The following MTOR variants were observed in gnomAD, a reference collection of about 807,000 sequenced individuals.
MTOR encodes the protein mechanistic target of rapamycin kinase.
In MTOR, 70 loss-of-function variants were observed where a neutral mutation model predicts 319.8. That is an observed-to-expected ratio of 0.22 (90% CI 0.18 to 0.27). MTOR has a LOEUF of 0.27. Ranked by LOEUF, MTOR falls within the 10% of genes least tolerant of loss-of-function variation. The pLI, the probability that MTOR is intolerant of heterozygous loss-of-function variation, is 1.00. For synonymous variants in MTOR, 1,183 were observed against 1,211.4 expected (o/e 0.98, Z 0.49); for missense variants, 1,890 against 3,274.4 (o/e 0.58, Z 10.32).
rs117218574 is a variant in MTOR, at chr1:11,116,121, T to C, written c.7017-653A>G. ...TAGACATCAGAGAACCAGTCTTTTT[T>C]ACATTCTTGTGAGTCCGTTTCTGAA... On this transcript the variant is annotated intron_variant, in intron 50 of 57. Transcript: ENST00000361445. Among the ~76,000 whole-genome samples, 8 of 152,372 alleles carry C rather than the reference T, an allele frequency of 5.3e-5. No individual in the cohort carries two copies. The East Asian group carries it at 1.5e-3, about 29-fold the overall frequency.
intron 38 of MTOR, chr1:11,132,558 C>T (rs1379770339): frequency 6.6e-6 from 1 of 152,662 alleles, no homozygotes; most frequent in Non-Finnish European, 1.5e-5. Flanking sequence ...TATACACTTC[C>T]AAAAATCACC....
rs79619380 is a variant in MTOR at position 11,203,785 on chromosome 1, C to T, written c.3944+776G>A. ...TCTCCTCTCTCAAGAGGTGGGTGCCCATGTCTTCTTCCTTTGAGCCTGACT... is the reference window on the plus strand; with the variant it reads ...TCTCCTCTCTCAAGAGGTGGGTGCCTATGTCTTCTTCCTTTGAGCCTGACT... On this transcript the variant is annotated intron_variant, in intron 26 of 57. Coordinates refer to ENST00000361445, the MANE Select transcript of MTOR (RefSeq NM_004958.4). Among the ~76,000 whole-genome samples, 757 of 152,314 alleles carry T rather than the reference C, an allele frequency of 5.0e-3. 4 individuals are homozygous for T. Among genetic ancestry groups the T allele is most frequent in the Non-Finnish European group, 6.8e-3 (463 of 68,014 alleles).
chr1:11,245,611 T>A (rs762107133), intron 8 of MTOR, among the ~76,000 whole-genome samples: 14 of 152,126 alleles, frequency 9.2e-5, no homozygotes, highest in Admixed American at 4.6e-4. Context: ...AAGAGCATAA[T>A]TTCCTGGCAA....
At chr1:11,223,792 C>A (rs1240935026) in intron 19 of MTOR, among the ~76,000 whole-genome samples, 2 of 152,088 alleles carry the variant, frequency 1.3e-5, no homozygotes, top group African/African-American at 2.4e-5. Flanking sequence ...GTAATCCCAG[C>A]ACTTTGGGAG....
chr1:11,167,550 C>CAGACCTGTTGAGTGT, intron 28 of MTOR, 33 bp from the exon 29 acceptor site: 1 of 1,576,666 alleles, frequency 6.3e-7, no homozygotes. Flanking sequence ...TAGTTACACT[C>CAGACCTGTTGAGTGT]AACAGGTCTG....
chr1:11,154,017 C>T (rs1644234538), intron 30 of MTOR, among the ~76,000 whole-genome samples: 1 of 123,762 alleles, frequency 8.1e-6, no homozygotes. Context: ...TGCAGTGAGC[C>T]GAAATCACAG....
At position 11,133,264 on chromosome 1, in the gene MTOR, A is replaced by C; in HGVS notation, c.5247-67T>G. The C allele has an allele frequency of 7.5e-7, 1 of 1,334,520 alleles. No individual in the cohort carries two copies. Among genetic ancestry groups the C allele is most frequent in the Non-Finnish European group, 1.1e-6 (1 of 928,654 alleles). 82.7% of individuals were successfully genotyped at this position (1,334,520 alleles called of 1,614,324 possible). On this transcript the variant is annotated intron_variant, in intron 37 of 57. Transcript: ENST00000361445. The surrounding 1 kb of genome is among the most constrained non-coding windows in gnomAD (Gnocchi z 4.0). ...AAACAGCCCTCCTAAGAGGACCACA[A>C]ATTGTTAGGGGACACTGAAGCCCTT... is the stretch of plus-strand genomic sequence containing the variant.
Position 11,238,460 on chromosome 1 carries a change from T to C in MTOR, c.1944A>G (p.Ala648=). The C allele has an allele frequency of 6.2e-7, 1 of 1,614,228 alleles. No homozygotes were observed. Among genetic ancestry groups the C allele is most frequent in the South Asian group, 1.1e-5 (1 of 91,086 alleles). The change falls in exon 12 of 58, where the codon GCA becomes GCG. Residue 648 remains alanine (A), a synonymous_variant. Transcript: ENST00000361445. ...TAAGCACATCTGCCACCACTTGCAC[T>C]GCGGTCTGGCTAACCACATGAGCAT... ...SGHAHVVSQT[A]VQVVADVLSK... is the part of the protein sequence containing the mutation.
chr1:11,202,420 CAAAAAAAAAAAA>C (rs35136193), intron 26 of MTOR, among the ~76,000 whole-genome samples: 2 of 72,160 alleles, frequency 2.8e-5, no homozygotes, highest in South Asian at 1.2e-3. Flanking sequence ...AACTCCGTCT[CAAAAAAAAAAAA>C]AAAAAAAAAG....
At chr1:11,114,529 C>T (rs1642061824) in intron 52 of MTOR, 76 bp from the exon 53 acceptor site, 1 of 1,590,620 alleles carries the variant, frequency 6.3e-7, no homozygotes, top group African/African-American at 1.3e-5. Context: ...GGTCTGTTAC[C>T]CTCACTTAGG....
At chr1:11,174,848 T>C (rs1036604823) in intron 28 of MTOR, among the ~76,000 whole-genome samples, 2 of 152,196 alleles carry the variant, frequency 1.3e-5, no homozygotes, top group East Asian at 1.9e-4. Context: ...AAGGGCAAAC[T>C]GTTCAAAGCT....
chr1:11,201,138 G>C (rs1416391101), intron 26 of MTOR, among the ~76,000 whole-genome samples: 3 of 152,140 alleles, frequency 2.0e-5, no homozygotes, highest in Non-Finnish European at 4.4e-5. Flanking sequence ...AGACCAGCCA[G>C]GGCAATAACC....
chr1:11,246,405 T>C (rs1254312044), intron 8 of MTOR, among the ~76,000 whole-genome samples: 1 of 152,228 alleles, frequency 6.6e-6, no homozygotes, highest in Non-Finnish European at 1.5e-5. Context: ...GCCTGTCTGG[T>C]CATTAAAAAA....
chr1:11,225,648 C>T (rs142059836), intron 19 of MTOR, among the ~76,000 whole-genome samples: 6 of 152,088 alleles, frequency 3.9e-5, no homozygotes, highest in Admixed American at 6.6e-5. Context: ...AGTTGAACTC[C>T]GAACCTCAGA....
intron 20 of MTOR, among the ~76,000 whole-genome samples, chr1:11,214,132 T>G (rs1646396978): frequency 6.6e-6 from 1 of 152,230 alleles, no homozygotes; most frequent in Admixed American, 6.5e-5. Context: ...AGGGTGGACT[T>G]GGACCTTACT....
chr1:11,249,911 C>T (rs1649386128), intron 6 of MTOR, among the ~76,000 whole-genome samples: 1 of 151,312 alleles, frequency 6.6e-6, no homozygotes, highest in African/African-American at 2.4e-5. Context: ...GTCATCATGG[C>T]CCGTTCTCAA....
chr1:11,139,312 C>T lies in MTOR; in HGVS notation c.5122G>A (p.Ala1708Thr). The T allele has an allele frequency of 6.2e-7, 1 of 1,605,206 alleles. No homozygotes were observed. Among genetic ancestry groups the T allele is most frequent in the Non-Finnish European group, 8.5e-7 (1 of 1,177,896 alleles). Reference protein sequence around the residue: ...YAYMKNMWKSARKIDAFQHMQ... With the variant: ...YAYMKNMWKSTRKIDAFQHMQ... ...TGCATTGGGATACAGACCTTGCGGG[C>T]ACTCTTCCACATGTTTTTCATGTAG... The change falls in exon 36 of 58, where the codon GCC becomes ACC. Residue 1708 changes from alanine (A) to threonine (T), a missense_variant. This residue lies in a region of MTOR where 276 missense variants were observed against 459.4 expected (regional missense o/e 0.60). Transcript: ENST00000361445.
intron 29 of MTOR, among the ~76,000 whole-genome samples, chr1:11,164,334 G>GAAA (rs547043272): frequency 2.0e-4 from 12 of 60,144 alleles, no homozygotes; most frequent in African/African-American, 6.0e-4. Context: ...GACTCTGCCT[G>GAAA]AAAAAAAAAA....
At chr1:11,168,595 G>C (rs549642423) in intron 28 of MTOR, among the ~76,000 whole-genome samples, 1 of 152,276 alleles carries the variant, frequency 6.6e-6, no homozygotes, top group East Asian at 1.9e-4. Flanking sequence ...TTTGCAGAAG[G>C]CTGCCAAGGG....
Sources: gnomAD v4.1 joint callset for allele counts (sites outside exome capture counted in the v4.1 genomes callset) on GRCh38, gnomAD v4.1.1 for gene constraint, gnomAD v4.1.1 regional missense constraint, Gnocchi (gnomAD v3.1) non-coding constraint, MANE v1.5 for transcripts, NCBI Gene and HGNC (gene_info 2026-07-23, HGNC 2026-07-21) for gene names.